Variants in DNAH11 observed in about 807,000 individuals in gnomAD.
DNAH11 encodes dynein axonemal heavy chain 11.
Under a neutral mutation model 526.0 loss-of-function variants are expected in DNAH11, and 442 were observed. That is an observed-to-expected ratio of 0.84 (90% CI 0.78 to 0.91). The LOEUF (loss-of-function observed/expected upper bound fraction) is 0.91, where lower values mean the gene tolerates loss of function less well. DNAH11 is among the 40% of genes least tolerant of loss of function. DNAH11 has a pLI of 0.00. For missense variants in DNAH11, 6,989 were observed against 5,448.7 expected, an observed-to-expected ratio of 1.28 and a Z score of -8.90; for synonymous variants, 2,461 against 1,935.9, an observed-to-expected ratio of 1.27 and a Z score of -7.12.
At chr7:21,657,681 A>T (rs982691777) in intron 29 of DNAH11, among the ~76,000 whole-genome samples, 32 of 152,188 alleles carry the variant, frequency 2.1e-4, no homozygotes, top group Non-Finnish European at 2.9e-5. Context: ...ATTAAGGCAG[A>T]GATACCAGAC....
chr7:21,634,002 C>A (rs1056576155), intron 25 of DNAH11, among the ~76,000 whole-genome samples: 1 of 152,182 alleles, frequency 6.6e-6, no homozygotes, highest in South Asian at 2.1e-4. Flanking sequence ...GCACATGATA[C>A]ATGGTCTTGA....
At chr7:21,628,552 T>C (rs916238896) in intron 25 of DNAH11, among the ~76,000 whole-genome samples, 1 of 152,202 alleles carries the variant, frequency 6.6e-6, no homozygotes, top group African/African-American at 2.4e-5. Context: ...AATAATCATA[T>C]GGTTTTTCTT....
At chr7:21,706,400 C>T (rs1784263020) in intron 39 of DNAH11, among the ~76,000 whole-genome samples, 1 of 151,588 alleles carries the variant, frequency 6.6e-6, no homozygotes, top group Non-Finnish European at 1.5e-5. Context: ...TAGAGGATGG[C>T]AGTATATGGA....
intron 36 of DNAH11, among the ~76,000 whole-genome samples, chr7:21,698,959 T>C (rs1447586397): frequency 6.6e-6 from 1 of 152,148 alleles, no homozygotes; most frequent in Non-Finnish European, 1.5e-5. Flanking sequence ...TTTATTTTTT[T>C]CTGAAATTTT....
At chr7:21,816,417 T>G in intron 63 of DNAH11, 50 bp from the exon 64 acceptor site, 1 of 1,412,156 alleles carries the variant, frequency 7.1e-7, no homozygotes, top group Non-Finnish European at 9.8e-7. Context: ...TTGTCTGTCT[T>G]CTCTCTCTGC....
intron 8 of DNAH11, among the ~76,000 whole-genome samples, chr7:21,575,137 A>C (rs1784040560): frequency 6.6e-6 from 1 of 151,900 alleles, no homozygotes. Context: ...TCGGCCTCCA[A>C]AAGTGCTGGG....
At chr7:21,704,726 A>T in intron 38 of DNAH11, 98 bp downstream of exon 38, 1 of 1,318,602 alleles carries the variant, frequency 7.6e-7, no homozygotes, top group Non-Finnish European at 1.0e-6. Context: ...CTTGTACCCT[A>T]ACCTTAATAG....
chr7:21,631,808 C>T (rs190211188), intron 25 of DNAH11, among the ~76,000 whole-genome samples: 20 of 152,280 alleles, frequency 1.3e-4, no homozygotes, highest in Non-Finnish European at 1.9e-4. Context: ...TACAAGCTGT[C>T]GGTGGATCTA....
At chr7:21,777,353 G>A (rs971102039) in intron 56 of DNAH11, among the ~76,000 whole-genome samples, 6 of 151,162 alleles carry the variant, frequency 4.0e-5, no homozygotes, top group Non-Finnish European at 7.4e-5. Context: ...TTATTTCTGG[G>A]TTTTGGCAAT....
chr7:21,662,425 A>C (rs1322223336), intron 30 of DNAH11, among the ~76,000 whole-genome samples: 1 of 152,122 alleles, frequency 6.6e-6, no homozygotes, highest in Non-Finnish European at 1.5e-5. Flanking sequence ...GAATCATTTC[A>C]AAGGAAGTTG....
chr7:21,543,843 T>A, intron 1 of DNAH11: 1 of 549,948 alleles, frequency 1.8e-6, no homozygotes, highest in South Asian at 2.5e-5. Context: ...TTGAGCCTGT[T>A]CGACCAGGAT....
At chr7:21,881,695 C>G (rs1783930404) in intron 75 of DNAH11, among the ~76,000 whole-genome samples, 1 of 152,176 alleles carries the variant, frequency 6.6e-6, no homozygotes, top group Admixed American at 6.5e-5. Flanking sequence ...TTTAAAATCA[C>G]CCGTCTCTGT....
intron 61 of DNAH11, among the ~76,000 whole-genome samples, chr7:21,789,850 T>TTCTTTCTTTCTTTCTC (rs1234806386): frequency 2.8e-5 from 4 of 143,558 alleles, no homozygotes; most frequent in African/African-American, 7.7e-5. Flanking sequence ...CTTTCTTTCT[T>TTCTTTCTTTCTTTCTC]TCTCTCTCCT....
At chr7:21,617,899 G>T (rs996105451) in intron 23 of DNAH11, 122 bp downstream of exon 23, 2 of 1,074,994 alleles carry the variant, frequency 1.9e-6, no homozygotes, top group African/African-American at 1.6e-5. Flanking sequence ...GCCTCTACTT[G>T]CTGTGTTATG....
chr7:21,753,582 TG>T (rs1786503977), intron 54 of DNAH11, among the ~76,000 whole-genome samples: 3 of 152,232 alleles, frequency 2.0e-5, no homozygotes, highest in Admixed American at 6.5e-5. Context: ...CTAAACAACA[TG>T]TATTTCTTCC....
intron 30 of DNAH11, among the ~76,000 whole-genome samples, chr7:21,665,516 C>A (rs946465851): frequency 6.6e-6 from 1 of 152,128 alleles, no homozygotes; most frequent in East Asian, 1.9e-4. Context: ...TCCACTCCTT[C>A]CCCTGTCAAC....
At chr7:21,605,787 G>C (rs1785257888) in intron 18 of DNAH11, among the ~76,000 whole-genome samples, 1 of 152,100 alleles carries the variant, frequency 6.6e-6, no homozygotes, top group Admixed American at 6.6e-5. Flanking sequence ...GTCATTTCCA[G>C]AGCACTTCAA....
chr7:21,784,314 A>AAGT (rs1256335753), intron 57 of DNAH11, 113 bp from the exon 58 acceptor site: 1 of 813,366 alleles, frequency 1.2e-6, no homozygotes, highest in East Asian at 2.7e-5. Context: ...CACCTGTTCA[A>AAGT]AGTACAGAGA....
At chr7:21,663,999 T>G (rs1260356395) in intron 30 of DNAH11, among the ~76,000 whole-genome samples, 12 of 151,982 alleles carry the variant, frequency 7.9e-5, no homozygotes, top group African/African-American at 2.9e-4. Flanking sequence ...TGAGGAAACT[T>G]TATGCTATTT....
Sources: gnomAD v4.1 joint callset for allele counts (sites outside exome capture counted in the v4.1 genomes callset) on GRCh38, gnomAD v4.1.1 for gene constraint, MANE v1.5 for transcripts, NCBI Gene and HGNC (gene_info 2026-07-23, HGNC 2026-07-21) for gene names.